MRTFB: variants seen among roughly 807,000 people sequenced by gnomAD.
MRTFB encodes the protein myocardin related transcription factor B, also known as myocardin-related transcription factor B.
In MRTFB, 29 loss-of-function variants were observed where a neutral mutation model predicts 104.2. The observed-to-expected ratio is 0.28, with a 90% CI of 0.21 to 0.38. MRTFB has a LOEUF of 0.38. Among genes scored for constraint, MRTFB ranks in the 10% least tolerant of loss-of-function variants. The pLI, the probability that MRTFB is intolerant of heterozygous loss-of-function variation, is 1.00. For synonymous variants in MRTFB, 535 were observed against 519.5 expected, an observed-to-expected ratio of 1.03 and a Z score of -0.41; for missense variants, 1,270 against 1,341.6, an observed-to-expected ratio of 0.95 and a Z score of 0.83.
At chr16:14,114,985 G>C (rs2036467297) in intron 2 of MRTFB, among the ~76,000 whole-genome samples, 2 of 152,220 alleles carry the variant, frequency 1.3e-5, no homozygotes, top group Admixed American at 1.3e-4. Context: ...GAATGAATGA[G>C]AGTGAGTCCT....
chr16:14,180,422 T>G (rs2039728638), intron 3 of MRTFB, among the ~76,000 whole-genome samples: 1 of 152,250 alleles, frequency 6.6e-6, no homozygotes, highest in South Asian at 2.1e-4. Flanking sequence ...TTGTAGTCAG[T>G]TGTATTTATA....
At position 14,172,131 on chromosome 16, in the gene MRTFB, A is replaced by G. The variant is rs180812933; in HGVS notation, c.154+31371A>G. On this transcript the variant is annotated intron_variant, in intron 3 of 16. Coordinates refer to ENST00000571589, the MANE Select transcript of MRTFB (RefSeq NM_001308142.2). ...GTGTCACTCCTCACCTTTCTCTCCTATCCCATTCCCATCCCTTCATCCTTT... is the reference window on the plus strand; with the variant it reads ...GTGTCACTCCTCACCTTTCTCTCCTGTCCCATTCCCATCCCTTCATCCTTT... 7.9e-5 allele frequency among the ~76,000 whole-genome samples: 12 copies of G among 152,268 alleles called. No homozygotes were observed. In the East Asian group the frequency reaches 1.9e-3, roughly 24 times the overall value.
intron 2 of MRTFB, among the ~76,000 whole-genome samples, chr16:14,133,869 C>G (rs1597011409): frequency 6.6e-6 from 1 of 152,168 alleles, no homozygotes; most frequent in African/African-American, 2.4e-5. Flanking sequence ...TATGAATACA[C>G]TTAAAAACAC....
At chr16:14,144,774 C>A (rs1160191596) in intron 3 of MRTFB, 2 of 151,370 alleles carry the variant, frequency 1.3e-5, no homozygotes, top group East Asian at 3.9e-4. Flanking sequence ...ACGGTGAAAC[C>A]CCGTCTCTAC....
At chr16:14,101,220 A>G (rs1381978604) in intron 2 of MRTFB, among the ~76,000 whole-genome samples, 1 of 150,552 alleles carries the variant, frequency 6.6e-6, no homozygotes, top group African/African-American at 2.5e-5. Flanking sequence ...TCTAAGACAT[A>G]TAAGATATTG....
chr16:14,038,797 C>T, the MRTFB span, among the ~76,000 whole-genome samples: 2 of 152,128 alleles, frequency 1.3e-5, no homozygotes, highest in African/African-American at 2.4e-5. Flanking sequence ...TAAAGACATA[C>T]CTGAGACAGT....
At chr16:14,171,087 A>G (rs1017366833) in intron 3 of MRTFB, among the ~76,000 whole-genome samples, 1 of 152,190 alleles carries the variant, frequency 6.6e-6, no homozygotes, top group Non-Finnish European at 1.5e-5. Context: ...GACAAGCCCA[A>G]CATCATTCTC....
the MRTFB span, among the ~76,000 whole-genome samples, chr16:13,997,631 CA>C: frequency 3.3e-3 from 475 of 142,130 alleles, no homozygotes; most frequent in African/African-American, 5.0e-3. Flanking sequence ...CTATCTGTAC[CA>C]AAAAAAAAAA....
At chr16:14,184,317 G>T (rs1567425831) in intron 3 of MRTFB, among the ~76,000 whole-genome samples, 1 of 151,656 alleles carries the variant, frequency 6.6e-6, no homozygotes, top group Non-Finnish European at 1.5e-5. Context: ...CTGCCTCCCG[G>T]GTTCAAGCGA....
At chr16:14,189,291 C>G (rs74503609) in intron 3 of MRTFB, among the ~76,000 whole-genome samples, 8,645 of 152,206 alleles carry the variant, frequency 0.057, 753 homozygotes, top group African/African-American at 0.19. Flanking sequence ...GTCACTGATC[C>G]TGCCTGCAGA....
At position 14,219,748 on chromosome 16, in the gene MRTFB, G is replaced by A. The variant is rs929467247; in HGVS notation, c.693+750G>A. ...GTCTTTCAGCATTATTTTCTTCATT[G>A]CATTTATCACCATGATCTGAAATAT... On this transcript the variant is annotated intron_variant, in intron 8 of 16. Transcript: ENST00000571589. 2.0e-5 allele frequency among the ~76,000 whole-genome samples: 3 copies of A among 152,120 alleles called. No individual in the cohort carries two copies. In the East Asian group the frequency reaches 5.8e-4, roughly 29 times the overall value.
At chr16:14,060,929 G>A in the MRTFB span, among the ~76,000 whole-genome samples, 5 of 152,130 alleles carry the variant, frequency 3.3e-5, 1 homozygote, top group Non-Finnish European at 7.4e-5. Context: ...GGCAGATCAG[G>A]AGGTCAGGAG....
At chr16:14,225,979 A>G (rs907051037) in intron 8 of MRTFB, among the ~76,000 whole-genome samples, 4 of 152,168 alleles carry the variant, frequency 2.6e-5, no homozygotes, top group Non-Finnish European at 5.9e-5. Flanking sequence ...ACCACCAGTC[A>G]TCATGGTAGT....
rs764427950 is a variant in MRTFB, at chr16:14,249,096, A to G, written c.2403+15A>G. The G allele has an allele frequency of 6.2e-7, 1 of 1,611,028 alleles. No individual in the cohort carries two copies. The highest frequency in any genetic ancestry group is 1.1e-5 in the South Asian group (1 of 90,424). ...AAGTCAGAAAGGTTTGTAAATGCCA[A>G]GGAGCAATAGAATGTCGCTGATTTT... On this transcript the variant is annotated intron_variant, in intron 13 of 16. Transcript: ENST00000571589.
At chr16:14,092,371 C>T (rs113688995) in intron 2 of MRTFB, among the ~76,000 whole-genome samples, 156 of 152,230 alleles carry the variant, frequency 1.0e-3, no homozygotes, top group African/African-American at 3.6e-3. Context: ...TTGATTGGAT[C>T]TCAGGTAAGG....
chr16:14,240,128 C>T (rs543270999), intron 9 of MRTFB, 109 bp from the exon 10 acceptor site: 87 of 1,287,308 alleles, frequency 6.8e-5, no homozygotes, highest in Non-Finnish European at 8.1e-5. Flanking sequence ...TGGCTGTACC[C>T]GTATCTAAGG....
At chr16:14,247,648 G>T in intron 12 of MRTFB, 141 bp downstream of exon 12, 1 of 713,182 alleles carries the variant, frequency 1.4e-6, no homozygotes, top group East Asian at 2.7e-5. Flanking sequence ...TGTGTGAGAG[G>T]GTTATTCAGA....
At chr16:14,165,718 G>C (rs905892255) in intron 3 of MRTFB, among the ~76,000 whole-genome samples, 2 of 151,940 alleles carry the variant, frequency 1.3e-5, no homozygotes, top group Non-Finnish European at 2.9e-5. Context: ...CTTTCTCCCT[G>C]TTCATCCAAC....
intron 15 of MRTFB, among the ~76,000 whole-genome samples, chr16:14,257,073 GAA>G (rs1008497530): frequency 2.4e-4 from 36 of 152,198 alleles, no homozygotes; most frequent in Admixed American, 3.3e-4. Context: ...ATCTAAAATT[GAA>G]AAGACTGACC....
Sources: gnomAD v4.1 joint callset for allele counts (sites outside exome capture counted in the v4.1 genomes callset) on GRCh38, gnomAD v4.1.1 for gene constraint, MANE v1.5 for transcripts, NCBI Gene and HGNC (gene_info 2026-07-23, HGNC 2026-07-21) for gene names.